Variants in NAALADL2 observed in about 807,000 individuals in gnomAD.
NAALADL2 encodes the protein N-acetylated alpha-linked acidic dipeptidase like 2.
NAALADL2 carries 76 observed loss-of-function variants against 87.2 expected under a neutral mutation model. The observed-to-expected ratio is 0.87, with a 90% CI of 0.72 to 1.05. NAALADL2 has a LOEUF of 1.05. Among genes scored for constraint, NAALADL2 ranks in the 50% least tolerant of loss-of-function variants. The pLI is 0.00. For synonymous variants in NAALADL2, 354 were observed against 331.0 expected (o/e 1.07, Z -0.75); for missense variants, 1,089 against 945.8 (o/e 1.15, Z -1.99).
intron 5 of NAALADL2, among the ~76,000 whole-genome samples, chr3:175,445,505 T>A (rs1261176020): frequency 2.6e-5 from 4 of 152,162 alleles, no homozygotes; most frequent in African/African-American, 7.2e-5. Context: ...TGCTCGGTTA[T>A]GTGTTGGAGT....
At chr3:174,697,918 G>T (rs550012495) in intron 2 of NAALADL2, among the ~76,000 whole-genome samples, 1 of 151,594 alleles carries the variant, frequency 6.6e-6, no homozygotes, top group East Asian at 1.9e-4. Flanking sequence ...GGTGAAACCC[G>T]GTCTCTACTA....
At chr3:174,467,806 A>G (rs1359616951) in intron 1 of NAALADL2, among the ~76,000 whole-genome samples, 2 of 152,114 alleles carry the variant, frequency 1.3e-5, no homozygotes, top group South Asian at 4.1e-4. Flanking sequence ...GTGTATAAAA[A>G]GAAGGGAATA....
chr3:174,946,068 A>C (rs935228912), intron 1 of NAALADL2, among the ~76,000 whole-genome samples: 1 of 150,954 alleles, frequency 6.6e-6, no homozygotes, highest in Admixed American at 6.6e-5. Flanking sequence ...AAAAAAAAAA[A>C]AAATTATTCA....
At chr3:174,798,335 T>A (rs1414926217) in intron 3 of NAALADL2, among the ~76,000 whole-genome samples, 1 of 152,304 alleles carries the variant, frequency 6.6e-6, no homozygotes, top group African/African-American at 2.4e-5. Flanking sequence ...GGCATATATA[T>A]TTATGGGGTT....
rs1192869024 is a variant in NAALADL2 at position 175,096,855 on chromosome 3, G to A, written c.109G>A (p.Asp37Asn). 6.2e-7 allele frequency: 1 copy of A among 1,611,918 alleles called. No individual in the cohort carries two copies. Among genetic ancestry groups the A allele is most frequent in the Non-Finnish European group, 8.5e-7 (1 of 1,178,894 alleles). Residue 37 changes from aspartate to asparagine, a missense_variant, in exon 2 of 14, where the codon GAC (aspartate) becomes AAC (asparagine). Transcript: ENST00000454872. ...QRAPGHSQYL[D>N]NDDLQATALD... is the part of the protein sequence containing the mutation. ...AGCTCCAGGACACTCACAGTACTTA[G>A]ACAATGATGACCTTCAAGCCACTGC...
chr3:175,032,934 C>G (rs1230003729), intron 1 of NAALADL2, among the ~76,000 whole-genome samples: 2 of 151,992 alleles, frequency 1.3e-5, no homozygotes, highest in Non-Finnish European at 2.9e-5. Flanking sequence ...CCATAGCTCT[C>G]CTGTCATGTT....
intron 2 of NAALADL2, among the ~76,000 whole-genome samples, chr3:174,592,804 A>G (rs1027302735): frequency 6.6e-6 from 1 of 152,046 alleles, no homozygotes; most frequent in Non-Finnish European, 1.5e-5. Flanking sequence ...CATAGGATCT[A>G]TTATGACCTA....
intron 11 of NAALADL2, among the ~76,000 whole-genome samples, chr3:175,706,607 A>G (rs557839177): frequency 7.5e-4 from 114 of 152,278 alleles, no homozygotes; most frequent in Non-Finnish European, 1.3e-3. Flanking sequence ...CCAAAGGATC[A>G]TTGTCTCATA....
chr3:174,809,509 A>G (rs1719912858), intron 3 of NAALADL2, among the ~76,000 whole-genome samples: 1 of 152,156 alleles, frequency 6.6e-6, no homozygotes, highest in African/African-American at 2.4e-5. Flanking sequence ...TTCTATAGTG[A>G]CCAAATGCTT....
intron 1 of NAALADL2, among the ~76,000 whole-genome samples, chr3:174,489,936 G>A (rs1412396096): frequency 2.0e-5 from 3 of 152,182 alleles, no homozygotes; most frequent in East Asian, 1.9e-4. Context: ...AAATGGGAAC[G>A]CTTCTATGTA....
intron 1 of NAALADL2, among the ~76,000 whole-genome samples, chr3:174,991,783 C>T (rs1746786184): frequency 6.6e-6 from 1 of 152,016 alleles, no homozygotes; most frequent in South Asian, 2.1e-4. Context: ...TGTTTGAAAA[C>T]ATTAACATTC....
At chr3:175,243,501 A>G (rs1429370129) in intron 3 of NAALADL2, among the ~76,000 whole-genome samples, 4 of 150,384 alleles carry the variant, frequency 2.7e-5, no homozygotes, top group Admixed American at 2.0e-4. Context: ...TCTTTAAACC[A>G]TAGAAATTTG....
chr3:174,702,717 T>G (rs1325759873), intron 2 of NAALADL2, among the ~76,000 whole-genome samples: 1 of 152,186 alleles, frequency 6.6e-6, no homozygotes, highest in Admixed American at 6.5e-5. Context: ...GGTAATTGTT[T>G]GTGTATCTAA....
chr3:175,616,475 T>A (rs1362383389), intron 10 of NAALADL2, among the ~76,000 whole-genome samples: 1 of 152,138 alleles, frequency 6.6e-6, no homozygotes, highest in African/African-American at 2.4e-5. Flanking sequence ...ATTTTTTTGC[T>A]CTTTCTAGAG....
intron 2 of NAALADL2, among the ~76,000 whole-genome samples, chr3:175,134,785 C>G (rs1307159467): frequency 6.6e-6 from 1 of 152,186 alleles, no homozygotes; most frequent in Non-Finnish European, 1.5e-5. Context: ...CACTGCCACT[C>G]TAAGTGAGAC....
chr3:175,705,707 T>A (rs1739592987), intron 11 of NAALADL2, among the ~76,000 whole-genome samples: 1 of 152,138 alleles, frequency 6.6e-6, no homozygotes, highest in South Asian at 2.1e-4. Context: ...AGATGAGGAC[T>A]CTGAAATTCA....
intron 2 of NAALADL2, among the ~76,000 whole-genome samples, chr3:174,600,049 A>G (rs940227551): frequency 2.2e-4 from 34 of 152,254 alleles, no homozygotes; most frequent in African/African-American, 8.2e-4. Flanking sequence ...TATTCTATGT[A>G]GTTTACAGTA....
intron 2 of NAALADL2, among the ~76,000 whole-genome samples, chr3:175,226,360 A>T (rs958747039): frequency 6.6e-6 from 1 of 152,118 alleles, no homozygotes; most frequent in Non-Finnish European, 1.5e-5. Context: ...TCATGAGCAT[A>T]AAGATTTATT....
chr3:175,802,316 T>C (rs1196626370), intron 13 of NAALADL2, among the ~76,000 whole-genome samples: 3 of 139,512 alleles, frequency 2.2e-5, no homozygotes, highest in Non-Finnish European at 4.6e-5. Context: ...TGCTTTGTGA[T>C]TGATTTTTTT....
Sources: gnomAD v4.1 joint callset for allele counts (sites outside exome capture counted in the v4.1 genomes callset) on GRCh38, gnomAD v4.1.1 for gene constraint, MANE v1.5 for transcripts, NCBI Gene and HGNC (gene_info 2026-07-23, HGNC 2026-07-21) for gene names.